Variants in TMEM132C observed in about 807,000 individuals in gnomAD.
TMEM132C encodes the protein protein phosphatase 1, regulatory subunit 152.
In TMEM132C, 29 loss-of-function variants were observed where a neutral mutation model predicts 61.4. That is an observed-to-expected ratio of 0.47 (90% CI 0.35 to 0.64). The LOEUF is 0.64. Ranked by LOEUF, TMEM132C falls within the 30% of genes least tolerant of loss-of-function variation. The pLI, the probability that TMEM132C is intolerant of heterozygous loss-of-function variation, is 0.00. For synonymous variants in TMEM132C, 656 were observed against 633.1 expected (o/e 1.04, Z -0.54); for missense variants, 1,408 against 1,476.9 (o/e 0.95, Z 0.76).
Position 128,697,540 on chromosome 12 carries a change from C to T in TMEM132C, c.2121+125C>T, listed in dbSNP as rs148487321. The stretch of plus-strand genomic sequence containing the variant: ...CAGAACCATGTTCCACAATGGAAGC[C>T]ATGTCATTGCAGACAAAGTGCTCAT... On this transcript the variant is annotated intron_variant, in intron 8 of 8. Coordinates refer to ENST00000435159, the MANE Select transcript of TMEM132C (RefSeq NM_001136103.3). 524 of 975,110 alleles carry T rather than the reference C, an allele frequency of 5.4e-4. 1 individual carries two copies. In the African/African-American group the frequency reaches 7.4e-3, roughly 14 times the overall value. The allele number at this position is 975,110 out of a possible 1,614,324, so 60.4% of individuals were successfully genotyped here.
intron 2 of TMEM132C, among the ~76,000 whole-genome samples, chr12:128,540,751 C>G (rs868431798): frequency 6.6e-6 from 1 of 152,156 alleles, no homozygotes; most frequent in African/African-American, 2.4e-5. Context: ...GGTGGTTTCT[C>G]CCATCGGCAA....
Position 128,326,424 on chromosome 12 carries a change from G to A in TMEM132C, c.85+58937G>A, listed in dbSNP as rs780236315. On this transcript the variant is annotated intron_variant, in intron 1 of 8. Transcript: ENST00000435159. This position sits in a 1 kb window ranked among gnomAD's most constrained non-coding sequence, Gnocchi z 5.6. Reference sequence around the variant, plus strand: ...GAATACTTCTGAGCCTTTGGCTGACGCTTATCCCCCTCTGGTTCAGATATC... The same window carrying A: ...GAATACTTCTGAGCCTTTGGCTGACACTTATCCCCCTCTGGTTCAGATATC... Among the ~76,000 whole-genome samples the A allele has an allele frequency of 4.0e-5, 6 of 151,238 alleles. No homozygotes were observed. The highest frequency in any genetic ancestry group is 8.8e-5 in the Non-Finnish European group (6 of 68,050).
intron 1 of TMEM132C, among the ~76,000 whole-genome samples, chr12:128,274,581 G>A (rs1039143312): frequency 5.3e-5 from 8 of 152,228 alleles, no homozygotes; most frequent in Admixed American, 3.3e-4. Flanking sequence ...AAAGGACGAG[G>A]TTTCCTATGA....
At position 128,616,285 on chromosome 12, in the gene TMEM132C, G is replaced by A. The variant is rs192573986; in HGVS notation, c.1255G>A (p.Glu419Lys). Residue 419 changes from glutamate to lysine, a missense_variant, in exon 4 of 9, where the codon GAG becomes AAG. By Grantham distance (56) the Glu-to-Lys change is moderately conservative (BLOSUM62 1). Coordinates refer to ENST00000435159, the MANE Select transcript of TMEM132C (RefSeq NM_001136103.3). ...GGGGACCACAGACATCGCCGTGTCC[G>A]AGATCTTTGTCAGCCAGAAGGACCT... Reference protein sequence around the residue: ...RKGTTDIAVSEIFVSQKDLVG... With the variant: ...RKGTTDIAVSKIFVSQKDLVG... 2.6e-5 allele frequency: 41 copies of A among 1,551,920 alleles called. No homozygotes were observed. The highest frequency in any genetic ancestry group is 1.7e-4 in the Middle Eastern group (1 of 5,996).
chr12:128,384,391 A>G (rs1874512015), intron 1 of TMEM132C, among the ~76,000 whole-genome samples: 1 of 152,174 alleles, frequency 6.6e-6, no homozygotes, highest in Non-Finnish European at 1.5e-5. Context: ...CCTCGATGAC[A>G]ACGGCAGGCA....
rs987449131 is a variant in TMEM132C, at chr12:128,571,808, T to A, written c.1121+27705T>A. ...TCCATTAAGAGGTGCCTTCTTGTCTTGCAGTAGGTATATTTTCTGTGCTGA... is the reference window on the plus strand; with the variant it reads ...TCCATTAAGAGGTGCCTTCTTGTCTAGCAGTAGGTATATTTTCTGTGCTGA... On this transcript the variant is annotated intron_variant, in intron 3 of 8. Transcript: ENST00000435159. Among the ~76,000 whole-genome samples the A allele has an allele frequency of 4.5e-4, 68 of 152,232 alleles. 2 individuals are homozygous for A. Among genetic ancestry groups the A allele is most frequent in the Non-Finnish European group, 1.5e-4 (10 of 68,058 alleles).
chr12:128,522,910 A>G (rs980730306), intron 2 of TMEM132C, among the ~76,000 whole-genome samples: 3 of 152,348 alleles, frequency 2.0e-5, no homozygotes, highest in Non-Finnish European at 4.4e-5. Context: ...TTCTGGGTAT[A>G]TACACAGAAG....
At chr12:128,555,151 C>CA (rs977102886) in intron 3 of TMEM132C, among the ~76,000 whole-genome samples, 2 of 152,082 alleles carry the variant, frequency 1.3e-5, no homozygotes, top group South Asian at 2.1e-4. Context: ...TCCAAAAAAA[C>CA]AAAAAACAAA....
chr12:128,596,567 C>T (rs1875960256), intron 3 of TMEM132C, among the ~76,000 whole-genome samples: 1 of 151,654 alleles, frequency 6.6e-6, no homozygotes, highest in African/African-American at 2.4e-5. Flanking sequence ...TCGCACTGGG[C>T]TGCCCCTTTT....
chr12:128,603,043 C>T (rs1876256119), intron 3 of TMEM132C, among the ~76,000 whole-genome samples: 1 of 152,196 alleles, frequency 6.6e-6, no homozygotes, highest in African/African-American at 2.4e-5. Context: ...GAGCTGTATC[C>T]ATCTGAGGCA....
At chr12:128,311,675 C>T (rs12425839) in intron 1 of TMEM132C, among the ~76,000 whole-genome samples, 1 of 152,160 alleles carries the variant, frequency 6.6e-6, no homozygotes, top group African/African-American at 2.4e-5. Context: ...CCCGCCGGAA[C>T]CTGGTGCCCC....
intron 8 of TMEM132C, among the ~76,000 whole-genome samples, chr12:128,698,061 G>A (rs1437630252): frequency 2.6e-5 from 4 of 152,140 alleles, no homozygotes; most frequent in Admixed American, 2.6e-4. Flanking sequence ...TCTCCTCCAT[G>A]GGATATAAGC....
Position 128,469,192 on chromosome 12 carries a change from A to G in TMEM132C, c.974+53572A>G, listed in dbSNP as rs182921616. Reference sequence around the variant, plus strand: ...GCAGCCTAAGCCATTTCCAGAAGAGATCTGGTGTTTCAGATAATAAAGATA... The same window carrying G: ...GCAGCCTAAGCCATTTCCAGAAGAGGTCTGGTGTTTCAGATAATAAAGATA... On this transcript the variant is annotated intron_variant, in intron 2 of 8. Transcript: ENST00000435159. 2.2e-4 allele frequency among the ~76,000 whole-genome samples: 33 copies of G among 152,322 alleles called. No individual in the cohort carries two copies. In the East Asian group the frequency reaches 6.4e-3, roughly 29 times the overall value.
At chr12:128,505,881 C>G (rs1456937381) in intron 2 of TMEM132C, among the ~76,000 whole-genome samples, 1 of 145,582 alleles carries the variant, frequency 6.9e-6, no homozygotes, top group Non-Finnish European at 1.5e-5. Context: ...GAGGAGTGGT[C>G]AGACCCGTGG....
chr12:128,491,382 C>T (rs137924865), intron 2 of TMEM132C, among the ~76,000 whole-genome samples: 104 of 152,294 alleles, frequency 6.8e-4, no homozygotes, highest in Middle Eastern at 3.4e-3. Flanking sequence ...TCCGGCGGCC[C>T]TGCCTTGGTC....
chr12:128,337,621 A>G (rs1872822986), intron 1 of TMEM132C, among the ~76,000 whole-genome samples: 1 of 152,200 alleles, frequency 6.6e-6, no homozygotes, highest in Admixed American at 6.5e-5. Flanking sequence ...TTCTGAAAGT[A>G]CAAATAAAGT....
chr12:128,515,234 A>G (rs145324999), intron 2 of TMEM132C, among the ~76,000 whole-genome samples: 3 of 152,344 alleles, frequency 2.0e-5, no homozygotes, highest in African/African-American at 7.2e-5. Context: ...TGATAGATGC[A>G]TAAAGAGAGA....
At position 128,423,761 on chromosome 12, in the gene TMEM132C, T is replaced by C. The variant is rs533689329; in HGVS notation, c.974+8141T>C. On this transcript the variant is annotated intron_variant, in intron 2 of 8. Coordinates refer to ENST00000435159, the MANE Select transcript of TMEM132C (RefSeq NM_001136103.3). ...TTTAAAAGGACTTTGGGGCCAGTGA[T>C]GGTGGCTCACACCTGTAATCCCAGA... Among the ~76,000 whole-genome samples, 14 of 151,858 alleles carry C rather than the reference T, an allele frequency of 9.2e-5. 1 individual carries two copies. In the South Asian group the frequency reaches 2.7e-3, roughly 29 times the overall value.
chr12:128,410,036 G>T (rs1868478910), intron 1 of TMEM132C, among the ~76,000 whole-genome samples: 1 of 151,958 alleles, frequency 6.6e-6, no homozygotes, highest in South Asian at 2.1e-4. Flanking sequence ...GAGTAACATG[G>T]GAAAAATGGC....
Sources: allele counts gnomAD v4.1 joint callset (sites outside exome capture counted in the v4.1 genomes callset), GRCh38; gene constraint gnomAD v4.1.1; non-coding constraint Gnocchi (gnomAD v3.1); transcripts MANE v1.5; gene names NCBI Gene and HGNC (gene_info 2026-07-23, HGNC 2026-07-21).